RYR1: variants seen among roughly 807,000 people sequenced by gnomAD.
RYR1 encodes central core disease of muscle.
RYR1 carries 342 observed loss-of-function variants against 583.5 expected under a neutral mutation model. The observed-to-expected ratio is 0.59, with a 90% CI of 0.54 to 0.64. The LOEUF (loss-of-function observed/expected upper bound fraction) is 0.64. Among genes scored for constraint, RYR1 ranks in the 30% least tolerant of loss-of-function variants. The pLI, the probability that RYR1 is intolerant of heterozygous loss-of-function variation, is 0.00. For missense variants in RYR1, 6,032 were observed against 6,917.2 expected (o/e 0.87, Z 4.54); for synonymous variants, 2,791 against 2,822.5 (o/e 0.99, Z 0.35).
At chr19:38,514,943 G>A (rs1970889754) in intron 63 of RYR1, 83 bp from the exon 64 acceptor site, 1 of 886,942 alleles carries the variant, frequency 1.1e-6, no homozygotes, top group East Asian at 2.4e-5. Flanking sequence ...CCACTGCATG[G>A]GCCTATTTGA....
intron 2 of RYR1, 131 bp downstream of exon 2, chr19:38,440,995 A>G: frequency 1.9e-6 from 1 of 519,904 alleles, no homozygotes; most frequent in Non-Finnish European, 2.5e-6. Context: ...AGGGGGGCTA[A>G]GGCTAAGAGG....
At chr19:38,456,307 G>A (rs369485980) in intron 16 of RYR1, among the ~76,000 whole-genome samples, 3 of 119,246 alleles carry the variant, frequency 2.5e-5, no homozygotes, top group Admixed American at 1.1e-4. Flanking sequence ...ACAGAGTCTC[G>A]CTCTGTCACC....
chr19:38,478,389 G>A, intron 30 of RYR1, 46 bp from the exon 31 acceptor site: 1 of 1,605,788 alleles, frequency 6.2e-7, no homozygotes, highest in Non-Finnish European at 8.5e-7. Context: ...CCAGGGTCCA[G>A]AGCTACTCAC....
chr19:38,584,929 C>T lies in RYR1; in HGVS notation c.14647-14C>T. 2 of 1,613,750 alleles carry T rather than the reference C, an allele frequency of 1.2e-6. No individual in the cohort carries two copies. The highest frequency in any genetic ancestry group is 1.7e-6 in the Non-Finnish European group (2 of 1,179,824). The stretch of plus-strand genomic sequence containing the variant: ...GTCGAATGAATGAGTGACCAGTGTG[C>T]TCCCCTCCCTCAGTGTTACCTGTTT... On this transcript the variant is annotated splice_polypyrimidine_tract_variant and intron_variant, in intron 101 of 105. Transcript: ENST00000359596.
rs527267673 is a variant in RYR1, at chr19:38,531,899, T to C, written c.11142-591T>C. Among the ~76,000 whole-genome samples the C allele has an allele frequency of 6.0e-4, 91 of 152,280 alleles. 2 individuals are homozygous for C. The highest frequency in any genetic ancestry group is 2.1e-3 in the African/African-American group (89 of 41,556). ...CAGCTTGGCCAACAGAGCAAGACCC[T>C]GTCTCAAGAACAAAATAAACAAACA... On this transcript the variant is annotated intron_variant, in intron 76 of 105. Coordinates refer to ENST00000359596, the MANE Select transcript of RYR1 (RefSeq NM_000540.3).
chr19:38,538,652 TA>T (rs1341833654), intron 84 of RYR1: 2 of 152,498 alleles, frequency 1.3e-5, no homozygotes, highest in Non-Finnish European at 2.9e-5. Context: ...GCCTGGCATT[TA>T]AAAATAAATC....
In RYR1 at chr19:38,543,313, G is replaced by A. The variant is rs754789014; in HGVS notation, c.11690-34G>A. On this transcript the variant is annotated intron_variant, in intron 84 of 105. Transcript: ENST00000359596. This position sits in a 1 kb window ranked among gnomAD's most constrained non-coding sequence, Gnocchi z 4.4. ...ACTGTTCATCTCCCCTAGCACATGG[G>A]AGGTGCTGGATAAATGACTTTTCAT... 2.6e-6 allele frequency: 4 copies of A among 1,562,628 alleles called. No homozygotes were observed. The highest frequency in any genetic ancestry group is 3.5e-6 in the Non-Finnish European group (4 of 1,133,158).
intron 24 of RYR1, among the ~76,000 whole-genome samples, 164 bp downstream of exon 24, chr19:38,466,562 C>T (rs1205773543): frequency 1.4e-5 from 2 of 145,256 alleles, no homozygotes; most frequent in East Asian, 2.0e-4. Flanking sequence ...AGTGCAATGG[C>T]GCGATCTCTG....
chr19:38,451,274 G>A (rs747678956), intron 11 of RYR1, among the ~76,000 whole-genome samples: 12 of 152,230 alleles, frequency 7.9e-5, no homozygotes, highest in Non-Finnish European at 1.2e-4. Context: ...GTTTACAGCC[G>A]CAGACTGGAT....
In RYR1 at chr19:38,490,251, A is replaced by T; in HGVS notation, c.5990A>T (p.Glu1997Val). The change falls in exon 36 of 106, where the codon GAG (glutamate) becomes GTG (valine). Residue 1997 changes from glutamate (E) to valine (V), a missense_variant. Glu to Val is a moderately radical substitution (Grantham distance 121). Transcript: ENST00000359596. ...GCAGAGACTGCAAGACGTACCCGCG[A>T]GTTCCGCTCCCCACCCCAGGAACAG... ...TAAETARRTREFRSPPQEQIN... is the reference protein window; with the variant it reads ...TAAETARRTRVFRSPPQEQIN... 3 of 1,614,060 alleles carry T rather than the reference A, an allele frequency of 1.9e-6. No individual in the cohort carries two copies. Among genetic ancestry groups the T allele is most frequent in the Non-Finnish European group, 2.5e-6 (3 of 1,179,992 alleles).
intron 89 of RYR1, among the ~76,000 whole-genome samples, chr19:38,549,251 G>T (rs1027928092): frequency 1.3e-5 from 2 of 152,030 alleles, no homozygotes; most frequent in African/African-American, 4.8e-5. Context: ...TTTCTTCTGA[G>T]CCTCAGTTTC....
Position 38,511,974 on chromosome 19 carries a change from T to G in RYR1, c.9173-98T>G, listed in dbSNP as rs2960337. ...GTAGCATTCCAACTTAGCCCGCAGG[T>G]AGCCTCAGGAAGAGAGCGGTTGGGG... On this transcript the variant is annotated intron_variant, in intron 61 of 105. Transcript: ENST00000359596. 0.18 allele frequency: 246,961 copies of G among 1,384,122 alleles called. 25,299 individuals carry two copies. Among genetic ancestry groups the G allele is most frequent in the South Asian group, 0.37 (29,794 of 81,178 alleles). The allele number at this position is 1,384,122 out of a possible 1,614,324, so 85.7% of individuals were successfully genotyped here. A position where few individuals can be genotyped will look rare whatever the true frequency, so the allele number is the denominator to read the frequency against.
At chr19:38,541,147 A>T (rs192157531) in intron 84 of RYR1, among the ~76,000 whole-genome samples, 5 of 152,292 alleles carry the variant, frequency 3.3e-5, no homozygotes, top group African/African-American at 1.2e-4. Context: ...TTTAAAAGAG[A>T]CTTAAGCCCA....
At chr19:38,433,966 G>A in intron 1 of RYR1, 92 bp downstream of exon 1, 1 of 1,172,506 alleles carries the variant, frequency 8.5e-7, no homozygotes, top group Non-Finnish European at 1.3e-6. Flanking sequence ...CGGCTTGCTG[G>A]TGGTCTCTGA....
In RYR1 at chr19:38,496,541, G is replaced by C. The variant is rs772803714; in HGVS notation, c.6796G>C (p.Gly2266Arg). ...GCTGGAGAACAGTGGCATCGGCCTG[G>C]GTGAGAACCCCCGAGCCCAGGGGCT... ...YLLENSGIGL[G>R]MQGSTPLDVA... Residue 2266 changes from glycine to arginine, a missense_variant and splice_region_variant, in exon 41 of 106, where the codon GGC (glycine) becomes CGC (arginine). Physicochemically the swap from Gly to Arg is moderately radical, Grantham distance 125. Transcript: ENST00000359596. This position sits in a 1 kb window ranked among gnomAD's most constrained non-coding sequence, Gnocchi z 4.8. The C allele has an allele frequency of 1.4e-5, 22 of 1,613,144 alleles. No homozygotes were observed. The highest frequency in any genetic ancestry group is 1.9e-5 in the Non-Finnish European group (22 of 1,180,028).
In RYR1 at chr19:38,505,366, A is replaced by G; in HGVS notation, c.8368A>G (p.Met2790Val). 1.9e-6 allele frequency: 3 copies of G among 1,611,930 alleles called. No individual in the cohort carries two copies. Among genetic ancestry groups the G allele is most frequent in the Non-Finnish European group, 2.5e-6 (3 of 1,178,986 alleles). The change falls in exon 53 of 106, where the codon ATG becomes GTG. Residue 2790 changes from methionine (M) to valine (V), a missense_variant. Physicochemically the swap from Met to Val is conservative, Grantham distance 21. Around this residue, in one of 11 missense-constraint regions of RYR1, gnomAD observed 1,493 missense variants for 1,715.5 expected, o/e 0.87. Coordinates refer to ENST00000359596, the MANE Select transcript of RYR1 (RefSeq NM_000540.3). ...NIDEELKTHPMLRPYKTFSEK... is the reference protein window; with the variant it reads ...NIDEELKTHPVLRPYKTFSEK... ...AGACGAGGAGCTGAAGACCCACCCC[A>G]TGCTGAGGCCCTACAAGACCTTTTC...
At chr19:38,526,343 C>T (rs902784691) in intron 71 of RYR1, among the ~76,000 whole-genome samples, 11 of 151,886 alleles carry the variant, frequency 7.2e-5, no homozygotes, top group Admixed American at 6.6e-4. Flanking sequence ...AGCCCTCCCC[C>T]CAGGACCACA....
chr19:38,549,891 G>GTGTGTGTC (rs1390995244), intron 89 of RYR1, among the ~76,000 whole-genome samples: 1 of 136,642 alleles, frequency 7.3e-6, no homozygotes, highest in African/African-American at 2.8e-5. Context: ...GTGTGTGTGT[G>GTGTGTGTC]TGTGTGTGTG....
chr19:38,507,222 C>T (rs943076658), intron 57 of RYR1, among the ~76,000 whole-genome samples: 90 of 149,572 alleles, frequency 6.0e-4, no homozygotes, highest in Non-Finnish European at 8.0e-4. Flanking sequence ...AGAGGCGGGG[C>T]CAGAGAGTGG....
Sources: allele counts gnomAD v4.1 joint callset (sites outside exome capture counted in the v4.1 genomes callset), GRCh38; gene constraint gnomAD v4.1.1; regional missense constraint gnomAD v4.1.1; non-coding constraint Gnocchi (gnomAD v3.1); transcripts MANE v1.5; gene names NCBI Gene and HGNC (gene_info 2026-07-23, HGNC 2026-07-21).